Variants in CSMD1 observed in about 807,000 individuals in gnomAD.
CSMD1 encodes the protein CUB and sushi domain-containing protein 1.
CSMD1 carries 213 observed loss-of-function variants against 417.5 expected under a neutral mutation model. The ratio of observed to expected loss-of-function variants is 0.51; its 90% CI spans 0.46 to 0.57. The LOEUF is 0.57. Ranked by LOEUF, CSMD1 falls within the 20% of genes least tolerant of loss-of-function variation. The pLI, the probability that CSMD1 is intolerant of heterozygous loss-of-function variation, is 0.00. For synonymous variants in CSMD1, 2,862 were observed against 1,736.8 expected, an observed-to-expected ratio of 1.65 and a Z score of -16.11; for missense variants, 6,923 against 4,529.7, an observed-to-expected ratio of 1.53 and a Z score of -15.17.
intron 2 of CSMD1, among the ~76,000 whole-genome samples, chr8:4,510,335 G>T (rs534493341): frequency 7.9e-6 from 1 of 127,358 alleles, no homozygotes; most frequent in East Asian, 2.6e-4. Flanking sequence ...TATTTCCCAG[G>T]TTAGCCATAC....
chr8:4,728,821 C>T (rs1169465748), intron 1 of CSMD1, among the ~76,000 whole-genome samples: 1 of 151,536 alleles, frequency 6.6e-6, no homozygotes, highest in Admixed American at 6.6e-5. Context: ...TAGTTCAAAA[C>T]ACCTCGAAAC....
intron 27 of CSMD1, among the ~76,000 whole-genome samples, chr8:3,225,003 G>A (rs979667001): frequency 6.6e-6 from 1 of 152,126 alleles, no homozygotes; most frequent in African/African-American, 2.4e-5. Flanking sequence ...TAAATTATAT[G>A]TCTTATTTCA....
chr8:3,916,836 T>C (rs2688312), intron 5 of CSMD1, among the ~76,000 whole-genome samples: 5,116 of 152,114 alleles, frequency 0.034, 293 homozygotes, highest in African/African-American at 0.12. Context: ...CTTAGATTGC[T>C]GCAGGTTAGA....
At chr8:3,720,197 A>C (rs984755905) in intron 6 of CSMD1, among the ~76,000 whole-genome samples, 1 of 152,204 alleles carries the variant, frequency 6.6e-6, no homozygotes, top group African/African-American at 2.4e-5. Flanking sequence ...CCACTCCCCA[A>C]GTAAGACGTC....
intron 3 of CSMD1, among the ~76,000 whole-genome samples, chr8:4,205,073 T>C (rs1348114323): frequency 6.6e-6 from 1 of 152,238 alleles, no homozygotes; most frequent in South Asian, 2.1e-4. Context: ...CCACAGAGTT[T>C]ACTGTAAACA....
chr8:3,615,008 A>G (rs1244946265), intron 8 of CSMD1, among the ~76,000 whole-genome samples: 1 of 152,212 alleles, frequency 6.6e-6, no homozygotes, highest in Admixed American at 6.5e-5. Context: ...AGCCCTTGGA[A>G]GAATGGGCAA....
At chr8:3,689,031 C>T (rs370113651) in intron 7 of CSMD1, among the ~76,000 whole-genome samples, 21 of 152,300 alleles carry the variant, frequency 1.4e-4, no homozygotes, top group African/African-American at 5.1e-4. Flanking sequence ...ATTTTATAAG[C>T]AGGAATCTAA....
intron 37 of CSMD1, among the ~76,000 whole-genome samples, chr8:3,172,339 C>A (rs1046722581): frequency 1.3e-5 from 2 of 152,006 alleles, no homozygotes; most frequent in Non-Finnish European, 2.9e-5. Context: ...CGTTTTTTTC[C>A]TAAGTGTTTT....
chr8:3,651,586 G>C (rs1201506114), intron 7 of CSMD1, among the ~76,000 whole-genome samples: 3 of 152,024 alleles, frequency 2.0e-5, no homozygotes, highest in Admixed American at 6.6e-5. Flanking sequence ...TAGAACACTA[G>C]AATAGCCCCT....
intron 11 of CSMD1, among the ~76,000 whole-genome samples, chr8:3,486,693 G>A (rs1818054056): frequency 3.3e-5 from 5 of 152,204 alleles, no homozygotes; most frequent in Admixed American, 1.3e-4. Flanking sequence ...CGATTCCTGT[G>A]GGACCTATGG....
intron 10 of CSMD1, among the ~76,000 whole-genome samples, chr8:3,524,297 G>A (rs1044814338): frequency 6.4e-5 from 8 of 124,314 alleles, no homozygotes; most frequent in African/African-American, 1.5e-4. Flanking sequence ...GCACACACAC[G>A]TACACTCAGA....
intron 5 of CSMD1, among the ~76,000 whole-genome samples, chr8:3,982,495 A>G (rs1184591641): frequency 6.6e-6 from 1 of 152,192 alleles, no homozygotes; most frequent in Non-Finnish European, 1.5e-5. Context: ...AGGACCAGAA[A>G]AATAACGCAT....
chr8:3,354,824 T>C (rs948378716), intron 21 of CSMD1, among the ~76,000 whole-genome samples: 4 of 148,512 alleles, frequency 2.7e-5, no homozygotes, highest in African/African-American at 1.0e-4. Context: ...TATATATCTA[T>C]AGATACATAT....
At chr8:4,241,279 C>G (rs569407361) in intron 3 of CSMD1, among the ~76,000 whole-genome samples, 2 of 152,310 alleles carry the variant, frequency 1.3e-5, no homozygotes, top group South Asian at 2.1e-4. Context: ...AATCTCACCA[C>G]AATTCATTCC....
At chr8:3,890,499 G>A (rs561685613) in intron 5 of CSMD1, among the ~76,000 whole-genome samples, 1 of 151,818 alleles carries the variant, frequency 6.6e-6, no homozygotes, top group African/African-American at 2.4e-5. Context: ...GGAAGGCATT[G>A]AGGCACACTT....
At position 3,873,217 on chromosome 8, in the gene CSMD1, G is replaced by T. The variant is rs144668243; in HGVS notation, c.819-119175C>A. 1.2e-3 allele frequency among the ~76,000 whole-genome samples: 183 copies of T among 152,172 alleles called. 1 individual carries two copies. Among genetic ancestry groups the T allele is most frequent in the African/African-American group, 4.3e-3 (177 of 41,516 alleles). ...CCCTTTACTGGCTATGTAGCCAAAGGAACAGCAATCATTCTATCATAAAGA... is the reference window on the plus strand; with the variant it reads ...CCCTTTACTGGCTATGTAGCCAAAGTAACAGCAATCATTCTATCATAAAGA... On this transcript the variant is annotated intron_variant, in intron 5 of 69. Coordinates refer to ENST00000635120, the MANE Select transcript of CSMD1 (RefSeq NM_033225.6).
chr8:3,591,440 C>T (rs1800840002), intron 8 of CSMD1, among the ~76,000 whole-genome samples: 1 of 152,170 alleles, frequency 6.6e-6, no homozygotes. Flanking sequence ...ATATGGTTCT[C>T]ATAGAGCATA....
chr8:3,904,890 G>A (rs1021411421), intron 5 of CSMD1, among the ~76,000 whole-genome samples: 4 of 151,984 alleles, frequency 2.6e-5, no homozygotes, highest in Admixed American at 6.6e-5. Flanking sequence ...ACCTGCTTCC[G>A]CCTCCCAAAG....
chr8:2,961,154 G>A lies in CSMD1; in HGVS notation c.9689C>T (p.Ser3230Phe). 1.3e-6 allele frequency: 2 copies of A among 1,593,160 alleles called. No homozygotes were observed. The highest frequency in any genetic ancestry group is 1.7e-6 in the Non-Finnish European group (2 of 1,165,524). Residue 3230 changes from serine to phenylalanine, a missense_variant, in exon 62 of 70, where the codon TCC (serine) becomes TTC (phenylalanine). By Grantham distance (155) the Ser-to-Phe change is radical (BLOSUM62 -2). Coordinates refer to ENST00000635120, the MANE Select transcript of CSMD1 (RefSeq NM_033225.6). ...GTPHFGIQNSSRGYEVGSTVF... is the reference protein window; with the variant it reads ...GTPHFGIQNSFRGYEVGSTVF... The stretch of plus-strand genomic sequence containing the variant: ...ATAATGAACTACCTCATAGCCTCTG[G>A]AGCTATTCTGTATTCCAAAGTGTGG...
Sources: allele counts gnomAD v4.1 joint callset (sites outside exome capture counted in the v4.1 genomes callset), GRCh38; gene constraint gnomAD v4.1.1; transcripts MANE v1.5; gene names NCBI Gene and HGNC (gene_info 2026-07-23, HGNC 2026-07-21).